Variants in ARHGAP29 observed in about 807,000 individuals in gnomAD.
ARHGAP29 encodes rho GTPase-activating protein 29.
In ARHGAP29, 43 loss-of-function variants were observed where a neutral mutation model predicts 122.6. That is an observed-to-expected ratio of 0.35 (90% CI 0.27 to 0.45). The LOEUF (loss-of-function observed/expected upper bound fraction) is 0.45, where lower values mean the gene tolerates loss of function less well. Among genes scored for constraint, ARHGAP29 ranks in the 20% least tolerant of loss-of-function variants. The pLI is 1.00. For synonymous variants in ARHGAP29, 506 were observed against 497.1 expected (o/e 1.02, Z -0.24); for missense variants, 1,303 against 1,477.2 (o/e 0.88, Z 1.93).
chr1:94,189,790 C>T, intron 13 of ARHGAP29, 136 bp downstream of exon 13: 3 of 781,496 alleles, frequency 3.8e-6, no homozygotes, highest in South Asian at 1.8e-5. Context: ...ACTTCGATAC[C>T]ATAAAATAAT....
chr1:94,238,610 A>G (rs1653448557), upstream of ARHGAP29, among the ~76,000 whole-genome samples: 1 of 152,144 alleles, frequency 6.6e-6, no homozygotes, highest in African/African-American at 2.4e-5. Context: ...CTGCGAGAAA[A>G]ATGACCACAC....
At chr1:94,230,273 C>T (rs1174833565) in intron 2 of ARHGAP29, among the ~76,000 whole-genome samples, 1 of 151,634 alleles carries the variant, frequency 6.6e-6, no homozygotes, top group African/African-American at 2.4e-5. Flanking sequence ...GGATATCTTT[C>T]CACAATAACT....
chr1:94,291,847 G>GA, the ARHGAP29 span, among the ~76,000 whole-genome samples: 1 of 152,196 alleles, frequency 6.6e-6, no homozygotes, highest in African/African-American at 2.4e-5. Flanking sequence ...GCTTCCCTTT[G>GA]TGGGTAACCC....
intron 1 of ARHGAP29, among the ~76,000 whole-genome samples, chr1:94,258,778 C>T (rs114686027): frequency 0.026 from 3,966 of 152,292 alleles, 181 homozygotes; most frequent in African/African-American, 0.091. Context: ...ATCTCCATTG[C>T]TCTAACGAGG....
intron 3 of ARHGAP29, among the ~76,000 whole-genome samples, chr1:94,215,044 A>AC (rs1419305221): frequency 6.6e-6 from 1 of 151,482 alleles, no homozygotes; most frequent in African/African-American, 2.4e-5. Flanking sequence ...GTCATGAGTC[A>AC]GAGCCCATAG....
chr1:94,174,078 CAGGAGGCACT>C lies in ARHGAP29; in HGVS notation c.3567_3576del (p.Val1190AlafsTer11). On this transcript the variant is annotated frameshift_variant, in exon 23 of 23. Transcript: ENST00000260526. LOFTEE classifies it low-confidence loss of function (END_TRUNC). The stretch of plus-strand genomic sequence containing the variant: ...AGACCGTGGGGATCGTGATCTGTGC[CAGGAGGCACT>C]GCTGCTGAGGGTGAAGCTGGCTTCT... 1 of 1,614,186 alleles carries C rather than the reference CAGGAGGCACT, an allele frequency of 6.2e-7. No individual in the cohort carries two copies. The highest frequency in any genetic ancestry group is 8.5e-7 in the Non-Finnish European group (1 of 1,180,036).
At chr1:94,210,611 A>T (rs897827785) in intron 3 of ARHGAP29, among the ~76,000 whole-genome samples, 4 of 144,868 alleles carry the variant, frequency 2.8e-5, no homozygotes, top group African/African-American at 9.8e-5. Flanking sequence ...ACAAACAAAA[A>T]GAAAAAGTTA....
At chr1:94,295,576 C>A in the ARHGAP29 span, among the ~76,000 whole-genome samples, 1 of 151,810 alleles carries the variant, frequency 6.6e-6, no homozygotes. Flanking sequence ...AACTAGATAT[C>A]GGGAAAAGAT....
At chr1:94,217,225 A>C (rs1018702242) in intron 3 of ARHGAP29, among the ~76,000 whole-genome samples, 1 of 152,178 alleles carries the variant, frequency 6.6e-6, no homozygotes, top group Non-Finnish European at 1.5e-5. Context: ...TTTTTTAAAC[A>C]TAGTCAGAGT....
At chr1:94,217,262 G>C (rs190547863) in intron 3 of ARHGAP29, among the ~76,000 whole-genome samples, 2 of 152,208 alleles carry the variant, frequency 1.3e-5, no homozygotes, top group Admixed American at 1.3e-4. Context: ...GGCCGGGAGC[G>C]GTGGCTCATG....
At chr1:94,233,275 T>C (rs1002124092) in intron 1 of ARHGAP29, among the ~76,000 whole-genome samples, 2 of 152,080 alleles carry the variant, frequency 1.3e-5, no homozygotes, top group Admixed American at 6.5e-5. Flanking sequence ...TTATGTAATA[T>C]CCGTTTCTAG....
intron 1 of ARHGAP29, among the ~76,000 whole-genome samples, chr1:94,274,732 C>G (rs766636412): frequency 6.6e-6 from 1 of 152,186 alleles, no homozygotes; most frequent in Non-Finnish European, 1.5e-5. Context: ...GCCAATGGTC[C>G]TTTGCCAACT....
intron 2 of ARHGAP29, among the ~76,000 whole-genome samples, chr1:94,227,858 T>G (rs1237746652): frequency 1.3e-5 from 2 of 151,846 alleles, no homozygotes; most frequent in Non-Finnish European, 3.0e-5. Context: ...AACATGCATA[T>G]GCATAACTGA....
upstream of ARHGAP29, among the ~76,000 whole-genome samples, chr1:94,278,669 A>G (rs1331366851): frequency 6.6e-6 from 1 of 152,174 alleles, no homozygotes; most frequent in Non-Finnish European, 1.5e-5. Context: ...AACCTAATGG[A>G]GGTTGAAGTT....
the ARHGAP29 span, among the ~76,000 whole-genome samples, chr1:94,308,175 A>G: frequency 6.6e-6 from 1 of 152,156 alleles, no homozygotes; most frequent in African/African-American, 2.4e-5. Flanking sequence ...ACTTAATAAT[A>G]CCCAAATGAT....
the ARHGAP29 span, among the ~76,000 whole-genome samples, chr1:94,311,406 G>A: frequency 3.9e-5 from 6 of 152,048 alleles, no homozygotes; most frequent in Admixed American, 2.0e-4. Flanking sequence ...CCACCAACCA[G>A]TCTGTCCCTG....
At chr1:94,208,071 C>CA (rs891625559) in intron 5 of ARHGAP29, among the ~76,000 whole-genome samples, 4 of 152,078 alleles carry the variant, frequency 2.6e-5, no homozygotes, top group African/African-American at 9.7e-5. Context: ...CTCCTGTCCT[C>CA]AAGTGATCCT....
chr1:94,250,344 G>C (rs553413848), intron 1 of ARHGAP29: 4 of 152,220 alleles, frequency 2.6e-5, no homozygotes, highest in Non-Finnish European at 4.4e-5. Context: ...TCTGAGCACA[G>C]GGGATATATC....
At chr1:94,307,842 G>A in the ARHGAP29 span, among the ~76,000 whole-genome samples, 1 of 152,172 alleles carries the variant, frequency 6.6e-6, no homozygotes, top group Non-Finnish European at 1.5e-5. Context: ...GGACATATAA[G>A]AGGGTAGTTA....
Sources: allele counts gnomAD v4.1 joint callset (sites outside exome capture counted in the v4.1 genomes callset), GRCh38; gene constraint gnomAD v4.1.1; transcripts MANE v1.5; gene names NCBI Gene and HGNC (gene_info 2026-07-23, HGNC 2026-07-21).